The following IL1RAPL2 variants were observed in gnomAD, a reference collection of about 807,000 sequenced individuals.
The protein encoded by IL1RAPL2 is interleukin 1 receptor accessory protein like 2.
In IL1RAPL2, 3 loss-of-function variants were observed where a neutral mutation model predicts 44.1. That is an observed-to-expected ratio of 0.07 (90% CI 0.03 to 0.18). The LOEUF (loss-of-function observed/expected upper bound fraction) is 0.18. IL1RAPL2 is among the 10% of genes least tolerant of loss of function. The probability of loss-of-function intolerance (pLI) is 1.00; values close to 1 mark genes in which losing one functional copy is unlikely to be tolerated. For synonymous variants in IL1RAPL2, 181 were observed against 178.8 expected, an observed-to-expected ratio of 1.01 and a Z score of -0.10; for missense variants, 391 against 496.4, an observed-to-expected ratio of 0.79 and a Z score of 2.02.
At chrX:105,317,179 A>T (rs2034849143) in intron 5 of IL1RAPL2, among the ~76,000 whole-genome samples, 2 of 112,227 alleles carry the variant, frequency 1.8e-5, no homozygotes, top group Non-Finnish European at 3.8e-5. Flanking sequence ...ATATCTGTTT[A>T]TTGGACCTGT....
chrX:104,568,631 C>A (rs1277547571), intron 1 of IL1RAPL2, among the ~76,000 whole-genome samples: 1 of 111,867 alleles, frequency 8.9e-6, no homozygotes, highest in Non-Finnish European at 1.9e-5. Context: ...TCTTTGCCAG[C>A]AGGGTCTCGG....
At chrX:104,624,503 A>G (rs1048431354) in intron 1 of IL1RAPL2, among the ~76,000 whole-genome samples, 5 of 111,776 alleles carry the variant, frequency 4.5e-5, no homozygotes, top group Admixed American at 9.6e-5. Flanking sequence ...GCAAATGAAA[A>G]CACCATATCA....
At chrX:104,997,551 A>G (rs1476029359) in intron 2 of IL1RAPL2, among the ~76,000 whole-genome samples, 6 of 111,736 alleles carry the variant, frequency 5.4e-5, no homozygotes, top group Non-Finnish European at 1.1e-4. Flanking sequence ...GGAAGAGGCA[A>G]TACTGGAAGC....
intron 2 of IL1RAPL2, among the ~76,000 whole-genome samples, chrX:104,928,805 GA>G (rs1569344602): frequency 9.0e-6 from 1 of 111,297 alleles, no homozygotes; most frequent in Non-Finnish European, 1.9e-5. Flanking sequence ...GAATAATGGG[GA>G]AAAATTGGGC....
intron 1 of IL1RAPL2, among the ~76,000 whole-genome samples, chrX:104,570,827 C>T (rs1473015196): frequency 8.9e-6 from 1 of 111,997 alleles, no homozygotes; most frequent in African/African-American, 3.2e-5. Context: ...ACCTTGGCTT[C>T]TCTCTTGAGT....
chrX:104,986,559 C>T (rs747143173), intron 2 of IL1RAPL2, among the ~76,000 whole-genome samples: 1 of 112,119 alleles, frequency 8.9e-6, no homozygotes, highest in East Asian at 2.8e-4. Context: ...TAGTTGCTTT[C>T]TCTACATGCC....
intron 6 of IL1RAPL2, among the ~76,000 whole-genome samples, chrX:105,636,440 A>T (rs1379543724): frequency 8.9e-6 from 1 of 111,881 alleles, no homozygotes; most frequent in African/African-American, 3.2e-5. Flanking sequence ...AGCGTATTAG[A>T]TAATGATATA....
At chrX:105,294,100 A>G (rs2034637194) in intron 5 of IL1RAPL2, among the ~76,000 whole-genome samples, 1 of 112,397 alleles carries the variant, frequency 8.9e-6, no homozygotes, top group African/African-American at 3.2e-5. Context: ...CCCACAGTTC[A>G]GTGGACAAAG....
intron 2 of IL1RAPL2, among the ~76,000 whole-genome samples, chrX:104,908,269 C>T (rs953760466): frequency 1.4e-4 from 16 of 111,492 alleles, no homozygotes; most frequent in South Asian, 3.8e-4. Context: ...TTTGTCAGTC[C>T]GTGTCTTTTA....
chrX:105,553,263 T>C (rs773364597), intron 6 of IL1RAPL2, among the ~76,000 whole-genome samples: 4 of 111,979 alleles, frequency 3.6e-5, no homozygotes, highest in Non-Finnish European at 5.6e-5. Context: ...AGTTTCTTTG[T>C]GATTAGTTGG....
chrX:105,704,183 T>C (rs1342192449), intron 6 of IL1RAPL2, among the ~76,000 whole-genome samples: 4 of 112,080 alleles, frequency 3.6e-5, no homozygotes, highest in Admixed American at 2.9e-4. Flanking sequence ...GTGCAAGTCT[T>C]ATATACAACA....
intron 6 of IL1RAPL2, among the ~76,000 whole-genome samples, chrX:105,486,734 ATATC>A (rs34493388): frequency 2.2e-3 from 233 of 103,883 alleles, no homozygotes; most frequent in Middle Eastern, 9.7e-3. Flanking sequence ...CTATATATCT[ATATC>A]TATCTATCTA....
At chrX:104,798,230 T>C (rs1932862866) in intron 2 of IL1RAPL2, among the ~76,000 whole-genome samples, 1 of 111,521 alleles carries the variant, frequency 9.0e-6, no homozygotes, top group Non-Finnish European at 1.9e-5. Context: ...TTCAGGAGGC[T>C]GTCTTTTGGT....
intron 2 of IL1RAPL2, among the ~76,000 whole-genome samples, chrX:104,914,610 C>T (rs1924355340): frequency 9.0e-6 from 1 of 110,964 alleles, no homozygotes; most frequent in South Asian, 3.9e-4. Flanking sequence ...TACATGTGCA[C>T]AATGTGCAGG....
chrX:105,753,050 T>A (rs1252369789), intron 9 of IL1RAPL2: 1 of 326,918 alleles, frequency 3.1e-6, no homozygotes, highest in Non-Finnish European at 5.9e-6. Context: ...CTTTGTCACA[T>A]CTTAGAAAAT....
At chrX:104,637,362 A>T (rs927992609) in intron 1 of IL1RAPL2, among the ~76,000 whole-genome samples, 1 of 111,486 alleles carries the variant, frequency 9.0e-6, no homozygotes, top group Non-Finnish European at 1.9e-5. Flanking sequence ...ACCATCTTGA[A>T]TAGGAGTGGT....
rs762921924 is a variant in IL1RAPL2, at chrX:105,766,888, A to G, written c.1364-76A>G. ...TAGTGAGAGACTGGATCTTTGCTATACTAGTGTGCAAACCTGATGCTTTAG... is the reference window on the plus strand; with the variant it reads ...TAGTGAGAGACTGGATCTTTGCTATGCTAGTGTGCAAACCTGATGCTTTAG... On this transcript the variant is annotated intron_variant, in intron 10 of 10. Coordinates refer to ENST00000372582, the MANE Select transcript of IL1RAPL2 (RefSeq NM_017416.2). The G allele has an allele frequency of 6.8e-5, 45 of 665,396 alleles. No individual in the cohort carries two copies. The South Asian group carries it at 1.2e-3, about 17-fold the overall frequency. The allele number at this position is 665,396 out of a possible 1,213,427, so 54.8% of individuals were successfully genotyped here. A position where few individuals can be genotyped will look rare whatever the true frequency, so the allele number is the denominator to read the frequency against.
intron 2 of IL1RAPL2, among the ~76,000 whole-genome samples, chrX:104,937,226 A>G (rs1170966415): frequency 1.8e-5 from 2 of 112,542 alleles, no homozygotes; most frequent in South Asian, 3.7e-4. Flanking sequence ...GGATAGTAAT[A>G]GCTGCTGTAA....
In IL1RAPL2 at chrX:105,109,597, G is replaced by T. The variant is rs773618653; in HGVS notation, c.83-85878G>T. ...TACATTCATGGTTGCCAGGTGCTGA[G>T]AAGAGGGGAAAATGAGAAGTGACTG... On this transcript the variant is annotated intron_variant, in intron 2 of 10. Transcript: ENST00000372582. Among the ~76,000 whole-genome samples, 3 of 111,920 alleles carry T rather than the reference G, an allele frequency of 2.7e-5. 1 individual carries two copies. Among genetic ancestry groups the T allele is most frequent in the Non-Finnish European group, 5.6e-5 (3 of 53,191 alleles).
Sources: allele counts gnomAD v4.1 joint callset (sites outside exome capture counted in the v4.1 genomes callset), GRCh38; gene constraint gnomAD v4.1.1; transcripts MANE v1.5; gene names NCBI Gene and HGNC (gene_info 2026-07-23, HGNC 2026-07-21).